Variants in ANAPC1 observed in about 807,000 individuals in gnomAD.
ANAPC1 encodes the protein anaphase-promoting complex subunit 1.
Under a neutral mutation model 208.0 loss-of-function variants are expected in ANAPC1, and 36 were observed. That is an observed-to-expected ratio of 0.17 (90% CI 0.13 to 0.23). The LOEUF is 0.23. Ranked by LOEUF, ANAPC1 falls within the 10% of genes least tolerant of loss-of-function variation. ANAPC1 has a pLI of 1.00. For synonymous variants in ANAPC1, 378 were observed against 695.2 expected, an observed-to-expected ratio of 0.54 and a Z score of 7.18; for missense variants, 942 against 2,011.6, an observed-to-expected ratio of 0.47 and a Z score of 10.17.
chr2:111,861,454 G>A (rs1312316445), intron 10 of ANAPC1, among the ~76,000 whole-genome samples: 5 of 151,750 alleles, frequency 3.3e-5, no homozygotes, highest in Non-Finnish European at 7.4e-5. Flanking sequence ...AATACACCAC[G>A]CACTCACCAG....
Position 111,864,882 on chromosome 2 carries a change from T to A in ANAPC1, c.755A>T (p.Asp252Val). ...ATCATAAGTCATTACAATAGAGGGG[T>A]CAGTATTGAGGAAAACAATTTTCAT... ...HAMKIVFLNT[D>V]PSIVMTYDAV... The change falls in exon 8 of 48, where the codon GAC becomes GTC. Residue 252 changes from aspartate (D) to valine (V), a missense_variant. By Grantham distance (152) the Asp-to-Val change is radical. Transcript: ENST00000341068. The A allele has an allele frequency of 6.2e-7, 1 of 1,611,440 alleles. No homozygotes were observed. Among genetic ancestry groups the A allele is most frequent in the Non-Finnish European group, 8.5e-7 (1 of 1,179,728 alleles).
chr2:111,870,776 T>C (rs755213320), intron 6 of ANAPC1, among the ~76,000 whole-genome samples: 44 of 152,340 alleles, frequency 2.9e-4, no homozygotes, highest in African/African-American at 9.4e-4. Context: ...CCTAGGCCAA[T>C]GTCCAGAAGA....
At chr2:111,801,098 T>C (rs1379442147) in intron 33 of ANAPC1, among the ~76,000 whole-genome samples, 1 of 152,138 alleles carries the variant, frequency 6.6e-6, no homozygotes, top group Non-Finnish European at 1.5e-5. Context: ...GGCTCATGTC[T>C]ATAATCCCAG....
chr2:111,799,056 C>G (rs1006680135), intron 34 of ANAPC1, among the ~76,000 whole-genome samples: 2 of 150,642 alleles, frequency 1.3e-5, no homozygotes, highest in Non-Finnish European at 3.0e-5. Flanking sequence ...AGAAATCTGA[C>G]AAAGAACGGG....
At chr2:111,792,610 T>C in intron 37 of ANAPC1, 55 bp from the exon 38 acceptor site, 2 of 1,542,342 alleles carry the variant, frequency 1.3e-6, no homozygotes, top group East Asian at 2.3e-5. Flanking sequence ...TTCTTTATTA[T>C]CAGAACTAGC....
intron 13 of ANAPC1, among the ~76,000 whole-genome samples, chr2:111,851,948 C>A (rs1681425530): frequency 6.6e-6 from 1 of 152,102 alleles, no homozygotes; most frequent in South Asian, 2.1e-4. Context: ...ATGCTCAGAA[C>A]TAAAATGAGA....
chr2:111,806,811 T>C (rs1245690986), intron 29 of ANAPC1, among the ~76,000 whole-genome samples: 1 of 152,020 alleles, frequency 6.6e-6, no homozygotes, highest in Non-Finnish European at 1.5e-5. Flanking sequence ...TTGAAAACGA[T>C]AAAATGTACT....
At chr2:111,872,866 A>G (rs1406893736) in intron 5 of ANAPC1, 154 bp from the exon 6 acceptor site, 1 of 610,504 alleles carries the variant, frequency 1.6e-6, no homozygotes, top group African/African-American at 1.9e-5. Flanking sequence ...CTTAAAAAGT[A>G]ATACAAATAA....
intron 1 of ANAPC1, among the ~76,000 whole-genome samples, chr2:111,882,009 T>C (rs78091294): frequency 6.6e-6 from 1 of 151,808 alleles, no homozygotes; most frequent in Non-Finnish European, 1.5e-5. Flanking sequence ...ATGGTGAAAC[T>C]CCATCTCTAC....
intron 18 of ANAPC1, among the ~76,000 whole-genome samples, chr2:111,835,378 T>C (rs375244471): frequency 6.6e-6 from 1 of 152,310 alleles, no homozygotes; most frequent in African/African-American, 2.4e-5. Flanking sequence ...TTTCCAAATA[T>C]TCAAGTCTAT....
chr2:111,844,703 G>A (rs1225174100), intron 16 of ANAPC1, among the ~76,000 whole-genome samples: 14 of 152,074 alleles, frequency 9.2e-5, no homozygotes, highest in Non-Finnish European at 1.8e-4. Flanking sequence ...TGCTTAGCTA[G>A]CATTACATGA....
chr2:111,863,469 G>A (rs1439135476), intron 9 of ANAPC1, among the ~76,000 whole-genome samples: 7 of 143,312 alleles, frequency 4.9e-5, no homozygotes, highest in South Asian at 2.2e-4. Context: ...TCAAGATTGC[G>A]CCACTGCACA....
intron 3 of ANAPC1, among the ~76,000 whole-genome samples, chr2:111,874,696 T>C (rs1338188823): frequency 6.6e-6 from 1 of 152,250 alleles, no homozygotes; most frequent in Non-Finnish European, 1.5e-5. Context: ...TGTTTCTACC[T>C]TTTGGCTATC....
chr2:111,879,014 T>C (rs1165638150), intron 2 of ANAPC1, 43 bp from the exon 3 acceptor site: 24 of 1,571,368 alleles, frequency 1.5e-5, no homozygotes, highest in Non-Finnish European at 2.0e-5. Flanking sequence ...GCACTCTTTT[T>C]TTGTTCTTCA....
rs905005619 is a variant in ANAPC1 at position 111,831,834 on chromosome 2, A to C, written c.2477-400T>G. ...AGAGCGAGACTCTGTCTCAAAAAAA[A>C]AAAAAAAAAAAAGAATAACGTTTTT... On this transcript the variant is annotated intron_variant, in intron 20 of 47. Transcript: ENST00000341068. Among the ~76,000 whole-genome samples the C allele has an allele frequency of 5.1e-5, 7 of 138,114 alleles. No individual in the cohort carries two copies. The South Asian group carries it at 1.4e-3, about 28-fold the overall frequency. The allele number at this position is 138,114 out of a possible 152,430, so 90.6% of individuals were successfully genotyped here. A position where few individuals can be genotyped will look rare whatever the true frequency, so the allele number is the denominator to read the frequency against.
intron 38 of ANAPC1, among the ~76,000 whole-genome samples, chr2:111,790,020 C>T: frequency 6.6e-6 from 1 of 152,168 alleles, no homozygotes; most frequent in Non-Finnish European, 1.5e-5. Context: ...GAAATACACA[C>T]CTTTCTGATC....
intron 1 of ANAPC1, among the ~76,000 whole-genome samples, chr2:111,881,532 T>G (rs1007961725): frequency 6.6e-6 from 1 of 152,176 alleles, no homozygotes; most frequent in African/African-American, 2.4e-5. Context: ...TTTAATTAAT[T>G]ATTACATCTA....
intron 45 of ANAPC1, among the ~76,000 whole-genome samples, chr2:111,777,887 G>A (rs1677072646): frequency 6.6e-6 from 1 of 152,088 alleles, no homozygotes; most frequent in African/African-American, 2.4e-5. Context: ...ATGCTCAGCT[G>A]TGAACTTACT....
intron 2 of ANAPC1, among the ~76,000 whole-genome samples, chr2:111,879,375 C>T (rs902202251): frequency 6.6e-6 from 1 of 152,210 alleles, no homozygotes; most frequent in African/African-American, 2.4e-5. Flanking sequence ...ATGCAGACTT[C>T]CTGCTTCGCA....
Sources: allele counts gnomAD v4.1 joint callset (sites outside exome capture counted in the v4.1 genomes callset), GRCh38; gene constraint gnomAD v4.1.1; transcripts MANE v1.5; gene names NCBI Gene and HGNC (gene_info 2026-07-23, HGNC 2026-07-21).